CAMKMT: variants seen among roughly 807,000 people sequenced by gnomAD.
CAMKMT encodes CaM KMT.
In CAMKMT, 53 loss-of-function variants were observed where a neutral mutation model predicts 48.0. The observed-to-expected ratio is 1.10, with a 90% confidence interval of 0.89 to 1.39. CAMKMT has a LOEUF of 1.39. Among genes scored for constraint, CAMKMT ranks in the 40% most tolerant of loss-of-function variants. The probability of loss-of-function intolerance (pLI) is 0.00; values close to 1 mark genes in which losing one functional copy is unlikely to be tolerated. For missense variants in CAMKMT, 428 were observed against 402.7 expected (o/e 1.06, Z -0.54); for synonymous variants, 165 against 152.3 (o/e 1.08, Z -0.61).
intron 3 of CAMKMT, among the ~76,000 whole-genome samples, chr2:44,561,984 A>G (rs560091351): frequency 6.6e-6 from 1 of 152,270 alleles, no homozygotes; most frequent in East Asian, 1.9e-4. Context: ...ATTCCAAGTG[A>G]TGGTGATGGT....
chr2:44,522,485 G>T (rs1229786100), intron 3 of CAMKMT, among the ~76,000 whole-genome samples: 1 of 152,152 alleles, frequency 6.6e-6, no homozygotes, highest in Non-Finnish European at 1.5e-5. Flanking sequence ...ATCCCCTTAA[G>T]ATACTTAGAA....
chr2:44,607,562 GAA>G (rs773952365), intron 3 of CAMKMT, among the ~76,000 whole-genome samples: 2 of 152,018 alleles, frequency 1.3e-5, no homozygotes, highest in Middle Eastern at 3.2e-3. Flanking sequence ...ATACTATATT[GAA>G]AGACTAGGAA....
At chr2:44,631,452 A>G in intron 3 of CAMKMT, 1 of 595,726 alleles carries the variant, frequency 1.7e-6, no homozygotes, top group African/African-American at 2.0e-5. Flanking sequence ...AAAGAGTTTA[A>G]ATAAGAAAAA....
At chr2:44,444,501 C>A (rs1231884347) in intron 3 of CAMKMT, among the ~76,000 whole-genome samples, 1 of 152,186 alleles carries the variant, frequency 6.6e-6, no homozygotes, top group African/African-American at 2.4e-5. Context: ...TCTGACACTT[C>A]CCATACTTGT....
chr2:44,632,255 A>C (rs1279777087), intron 3 of CAMKMT, among the ~76,000 whole-genome samples: 1 of 152,158 alleles, frequency 6.6e-6, no homozygotes, highest in Non-Finnish European at 1.5e-5. Flanking sequence ...TCTGCTAGTA[A>C]TATCATCTTT....
At chr2:44,745,129 GTCAGA>G (rs1679865101) in intron 8 of CAMKMT, among the ~76,000 whole-genome samples, 1 of 152,204 alleles carries the variant, frequency 6.6e-6, no homozygotes, top group South Asian at 2.1e-4. Flanking sequence ...AAGCATGAAA[GTCAGA>G]TCAGAGAGCA....
chr2:44,400,421 CTTTA>C, intron 3 of CAMKMT, among the ~76,000 whole-genome samples: 1 of 152,100 alleles, frequency 6.6e-6, no homozygotes, highest in Non-Finnish European at 1.5e-5. Flanking sequence ...TGAGCAGGGT[CTTTA>C]TTTTGCCTTG....
chr2:44,383,244 A>T (rs552869050), intron 2 of CAMKMT, among the ~76,000 whole-genome samples: 1 of 151,604 alleles, frequency 6.6e-6, no homozygotes, highest in East Asian at 1.9e-4. Flanking sequence ...AGCTCACTGC[A>T]TCCTTCACCT....
In CAMKMT at chr2:44,587,921, G is replaced by A. The variant is rs560325517; in HGVS notation, c.377-116362G>A. On this transcript the variant is annotated intron_variant, in intron 3 of 10. Coordinates refer to ENST00000378494, the MANE Select transcript of CAMKMT (RefSeq NM_024766.5). ...CCACCCCGTCTGGGAAGTGAGGAGCGTCTCTGCCTGGTCCCCCATCGTCTG... is the reference window on the plus strand; with the variant it reads ...CCACCCCGTCTGGGAAGTGAGGAGCATCTCTGCCTGGTCCCCCATCGTCTG... Among the ~76,000 whole-genome samples the A allele has an allele frequency of 8.7e-5, 9 of 103,480 alleles. 1 individual carries two copies. Among genetic ancestry groups the A allele is most frequent in the South Asian group, 3.3e-4 (1 of 3,014 alleles). 67.9% of individuals were successfully genotyped at this position (103,480 alleles called of 152,430 possible).
At chr2:44,380,962 C>G (rs1572691091) in intron 2 of CAMKMT, among the ~76,000 whole-genome samples, 1 of 151,958 alleles carries the variant, frequency 6.6e-6, no homozygotes. Context: ...GAGTTTGAGA[C>G]CAGCCTGGCC....
At chr2:44,765,698 C>T (rs1246419666) in intron 9 of CAMKMT, among the ~76,000 whole-genome samples, 1 of 152,172 alleles carries the variant, frequency 6.6e-6, no homozygotes, top group East Asian at 1.9e-4. Context: ...ATTCTCCCCA[C>T]TGCAACAATC....
intron 3 of CAMKMT, among the ~76,000 whole-genome samples, chr2:44,467,541 GA>G (rs34692676): frequency 1.4e-5 from 2 of 146,756 alleles, no homozygotes; most frequent in Non-Finnish European, 3.0e-5. Flanking sequence ...CTCTGTCTCA[GA>G]AAAAAAAACA....
At chr2:44,505,454 A>G (rs937563318) in intron 3 of CAMKMT, among the ~76,000 whole-genome samples, 1 of 152,096 alleles carries the variant, frequency 6.6e-6, no homozygotes, top group Admixed American at 6.6e-5. Context: ...TCTAAGAACT[A>G]GTTTTGTAGC....
At chr2:44,564,665 C>T (rs750780013) in intron 3 of CAMKMT, among the ~76,000 whole-genome samples, 10 of 152,110 alleles carry the variant, frequency 6.6e-5, no homozygotes, top group East Asian at 1.9e-4. Flanking sequence ...CTCAGCCTCC[C>T]GAGTAGCTGA....
At chr2:44,766,915 C>G (rs147798120) in intron 10 of CAMKMT, among the ~76,000 whole-genome samples, 5 of 152,110 alleles carry the variant, frequency 3.3e-5, no homozygotes, top group Non-Finnish European at 7.4e-5. Flanking sequence ...AATGCTTAGC[C>G]GCACTGAAAT....
At position 44,758,941 on chromosome 2, in the gene CAMKMT, T is replaced by C. The variant is rs578184321; in HGVS notation, c.762+4823T>C. On this transcript the variant is annotated intron_variant, in intron 9 of 10. Transcript: ENST00000378494. ...CATGAGTTTACTCAGGACCAGAGGATAGAATATTGACAGTAATCCAGCTTG... is the reference window on the plus strand; with the variant it reads ...CATGAGTTTACTCAGGACCAGAGGACAGAATATTGACAGTAATCCAGCTTG... 2.0e-5 allele frequency among the ~76,000 whole-genome samples: 3 copies of C among 152,342 alleles called. No individual in the cohort carries two copies. The East Asian group carries it at 5.8e-4, about 29-fold the overall frequency.
intron 3 of CAMKMT, among the ~76,000 whole-genome samples, chr2:44,585,215 G>C (rs1669792684): frequency 6.6e-6 from 1 of 152,136 alleles, no homozygotes; most frequent in Admixed American, 6.5e-5. Flanking sequence ...CAATCAATTA[G>C]TCACCACATA....
rs70965353 is a variant in CAMKMT at position 44,418,192 on chromosome 2, C to CAA, written c.376+27903_376+27904dup. Among the ~76,000 whole-genome samples the CAA allele has an allele frequency of 2.4e-3, 290 of 118,678 alleles. 3 individuals carry two copies. Among genetic ancestry groups the CAA allele is most frequent in the South Asian group, 6.1e-3 (23 of 3,746 alleles). The allele number at this position is 118,678 out of a possible 152,430, so 77.9% of individuals were successfully genotyped here. ...GGGCGACAAGAGCGGAACTCTGTCT[C>CAA]AAAAAAAAAAAAAAAAAGAATTGTA... On this transcript the variant is annotated intron_variant, in intron 3 of 10. Transcript: ENST00000378494.
chr2:44,668,696 C>G lies in CAMKMT; in HGVS notation c.377-35587C>G, dbSNP rs181416832. Among the ~76,000 whole-genome samples the G allele has an allele frequency of 2.6e-5, 4 of 152,282 alleles. No individual in the cohort carries two copies. In the East Asian group the frequency reaches 7.7e-4, roughly 29 times the overall value. On this transcript the variant is annotated intron_variant, in intron 3 of 10. Coordinates refer to ENST00000378494, the MANE Select transcript of CAMKMT (RefSeq NM_024766.5). ...CCAATGTTTTTAACACTTTGTGCAT[C>G]CTTTCCCAATAGTGTGCCCTTACCT...
Sources: gnomAD v4.1 joint callset for allele counts (sites outside exome capture counted in the v4.1 genomes callset) on GRCh38, gnomAD v4.1.1 for gene constraint, MANE v1.5 for transcripts, NCBI Gene and HGNC (gene_info 2026-07-23, HGNC 2026-07-21) for gene names.